The following WDR35 variants were observed in gnomAD, a reference collection of about 807,000 sequenced individuals.
The protein encoded by WDR35 is WD repeat-containing protein 35.
A neutral mutation model predicts 158.3 loss-of-function variants in WDR35; 118 were observed. The observed-to-expected ratio is 0.75, with a 90% CI of 0.64 to 0.87. WDR35 has a LOEUF of 0.87. Among genes scored for constraint, WDR35 ranks in the 40% least tolerant of loss-of-function variants. The pLI is 0.00. For missense variants in WDR35, 1,263 were observed against 1,405.8 expected (o/e 0.90, Z 1.62); for synonymous variants, 448 against 476.1 (o/e 0.94, Z 0.77).
chr2:19,959,243 T>TA (rs1467474135), intron 11 of WDR35, among the ~76,000 whole-genome samples: 3 of 150,082 alleles, frequency 2.0e-5, no homozygotes, highest in African/African-American at 7.3e-5. Flanking sequence ...AGCTTTATTT[T>TA]AAAAAAACAG....
chr2:19,984,235 C>G (rs879933075), intron 2 of WDR35, among the ~76,000 whole-genome samples: 1 of 152,116 alleles, frequency 6.6e-6, no homozygotes, highest in Admixed American at 6.6e-5. Context: ...TCATCCACAT[C>G]TGAAAACGTC....
At chr2:19,945,352 A>C (rs1671012834) in intron 16 of WDR35, among the ~76,000 whole-genome samples, 1 of 152,210 alleles carries the variant, frequency 6.6e-6, no homozygotes, top group Admixed American at 6.5e-5. Flanking sequence ...TAAATAAGAC[A>C]AAGTAAGCAC....
intron 9 of WDR35, among the ~76,000 whole-genome samples, chr2:19,968,927 C>G (rs954376586): frequency 5.9e-5 from 9 of 152,218 alleles, no homozygotes; most frequent in Non-Finnish European, 1.3e-4. Flanking sequence ...ACTCCGTCAC[C>G]TGGGCTACCT....
intron 25 of WDR35, among the ~76,000 whole-genome samples, chr2:19,914,941 TG>T (rs1205436487): frequency 8.7e-6 from 1 of 115,598 alleles, no homozygotes; most frequent in Non-Finnish European, 1.8e-5. Flanking sequence ...CTGTTGGGGG[TG>T]GGGGGCTAGG....
intron 25 of WDR35, among the ~76,000 whole-genome samples, chr2:19,927,194 A>G (rs1411750085): frequency 1.3e-5 from 2 of 152,240 alleles, no homozygotes; most frequent in Non-Finnish European, 2.9e-5. Flanking sequence ...AATAATGCCT[A>G]GATGTAATCA....
At chr2:19,964,381 C>CTTTTTTTTTTTTTTTTTTTTTTTTTTT (rs558586617) in intron 10 of WDR35, among the ~76,000 whole-genome samples, 1 of 113,426 alleles carries the variant, frequency 8.8e-6, no homozygotes, top group Non-Finnish European at 1.8e-5. Flanking sequence ...CTTTTCTTTT[C>CTTTTTTTTTTTTTTTTTTTTTTTTTTT]TTTTTTTTTT....
chr2:19,957,013 A>G (rs1374601999), intron 11 of WDR35, among the ~76,000 whole-genome samples: 1 of 152,202 alleles, frequency 6.6e-6, no homozygotes, highest in Admixed American at 6.5e-5. Flanking sequence ...CAACTTCCCT[A>G]TAAGGTAGGC....
chr2:19,965,647 C>G (rs1486143340), intron 10 of WDR35, among the ~76,000 whole-genome samples: 1 of 152,156 alleles, frequency 6.6e-6, no homozygotes. Context: ...AGTTCCCCCA[C>G]CCTCAGCTCT....
intron 19 of WDR35, among the ~76,000 whole-genome samples, 182 bp from the exon 20 acceptor site, chr2:19,936,547 T>G (rs894169481): frequency 1.3e-5 from 2 of 152,198 alleles, no homozygotes; most frequent in South Asian, 4.1e-4. Context: ...CTGGAGGTTA[T>G]GGTTTGAATG....
intron 9 of WDR35, among the ~76,000 whole-genome samples, chr2:19,967,569 T>C (rs912769204): frequency 1.3e-5 from 2 of 151,522 alleles, no homozygotes; most frequent in African/African-American, 4.8e-5. Flanking sequence ...TAATTTTGAA[T>C]AAAAAAATAA....
rs1408878752 is a variant in WDR35 at position 19,974,531 on chromosome 2, GGCAATCAGGCT to G, written c.662_672del (p.Glu221AlafsTer8). On this transcript the variant is annotated frameshift_variant, in exon 7 of 27. Transcript: ENST00000281405. LOFTEE classifies it high-confidence loss of function. ...TTATCAAAGCAAACAGCAAGGCAAG[GGCAATCAGGCT>G]CCACGTAGCCTTCTGTGCCATGGTA... 6.2e-7 allele frequency: 1 copy of G among 1,612,438 alleles called. No individual in the cohort carries two copies. The highest frequency in any genetic ancestry group is 2.2e-5 in the East Asian group (1 of 44,816).
intron 22 of WDR35, among the ~76,000 whole-genome samples, chr2:19,932,827 A>G (rs982707430): frequency 6.6e-5 from 10 of 152,206 alleles, no homozygotes; most frequent in African/African-American, 2.4e-4. Context: ...GACATTTAAA[A>G]ATTATTTTTA....
intron 25 of WDR35, among the ~76,000 whole-genome samples, chr2:19,916,084 C>CCAACT: frequency 1.3e-5 from 2 of 152,226 alleles, no homozygotes; most frequent in Admixed American, 1.3e-4. Flanking sequence ...ACAGTGGGTG[C>CCAACT]AGCCCAAGGA....
chr2:19,971,282 C>T (rs960222648), intron 8 of WDR35, among the ~76,000 whole-genome samples: 6 of 152,142 alleles, frequency 3.9e-5, no homozygotes, highest in Non-Finnish European at 5.9e-5. Context: ...CCCTCCAAAA[C>T]TCACATTGAA....
At chr2:19,938,192 G>A (rs1028629204) in intron 18 of WDR35, 73 bp downstream of exon 18, 6 of 1,592,758 alleles carry the variant, frequency 3.8e-6, no homozygotes, top group Non-Finnish European at 5.2e-6. Context: ...GATAGTAGGG[G>A]AGCAGAGGGA....
chr2:19,935,230 A>G (rs1670654895), intron 21 of WDR35: 1 of 295,298 alleles, frequency 3.4e-6, no homozygotes, highest in African/African-American at 2.2e-5. Context: ...ATCTTAACAG[A>G]CTACACAAGA....
intron 25 of WDR35, among the ~76,000 whole-genome samples, chr2:19,926,507 C>G (rs906040137): frequency 6.6e-6 from 1 of 152,354 alleles, no homozygotes; most frequent in South Asian, 2.1e-4. Context: ...TCATTCTACA[C>G]AGTTAATTGA....
intron 20 of WDR35, 60 bp from the exon 21 acceptor site, chr2:19,935,663 A>T: frequency 2.5e-6 from 4 of 1,575,642 alleles, no homozygotes; most frequent in Non-Finnish European, 3.4e-6. Flanking sequence ...ATAAATAAGC[A>T]CTTTCAACCA....
chr2:19,955,798 C>T (rs1671409018), intron 11 of WDR35, among the ~76,000 whole-genome samples: 1 of 152,110 alleles, frequency 6.6e-6, no homozygotes, highest in African/African-American at 2.4e-5. Flanking sequence ...AGAAACTGAA[C>T]AAAGAATTAG....
Sources: allele counts gnomAD v4.1 joint callset (sites outside exome capture counted in the v4.1 genomes callset), GRCh38; gene constraint gnomAD v4.1.1; transcripts MANE v1.5; gene names NCBI Gene and HGNC (gene_info 2026-07-23, HGNC 2026-07-21).